Variants in GALNT18 observed in about 807,000 individuals in gnomAD.
GALNT18 encodes the protein polypeptide N-acetylgalactosaminyltransferase 18.
GALNT18 carries 44 observed loss-of-function variants against 69.5 expected under a neutral mutation model. The ratio of observed to expected loss-of-function variants is 0.63; its 90% confidence interval spans 0.50 to 0.81. The LOEUF (loss-of-function observed/expected upper bound fraction) is 0.81, where lower values mean the gene tolerates loss of function less well. GALNT18 is among the 40% of genes least tolerant of loss of function. The pLI, the probability that GALNT18 is intolerant of heterozygous loss-of-function variation, is 0.00. For missense variants in GALNT18, 715 were observed against 810.0 expected (o/e 0.88, Z 1.42); for synonymous variants, 364 against 318.2 (o/e 1.14, Z -1.53).
chr11:11,499,570 C>A (rs1163575002), intron 1 of GALNT18, among the ~76,000 whole-genome samples: 1 of 152,208 alleles, frequency 6.6e-6, no homozygotes, highest in Admixed American at 6.5e-5. Context: ...TCTTGCTCTG[C>A]CATCTGCTAT....
chr11:11,328,378 C>G (rs1241709507), intron 8 of GALNT18, among the ~76,000 whole-genome samples: 1 of 152,110 alleles, frequency 6.6e-6, no homozygotes, highest in Non-Finnish European at 1.5e-5. Context: ...CCAGGGAAGA[C>G]AAGGAAAGAG....
chr11:11,399,407 T>TA (rs1854409755), intron 3 of GALNT18, among the ~76,000 whole-genome samples: 1 of 152,152 alleles, frequency 6.6e-6, no homozygotes, highest in Non-Finnish European at 1.5e-5. Flanking sequence ...GGATCAAGAT[T>TA]GAAAAGGGGT....
chr11:11,290,594 A>G (rs1849279074), intron 10 of GALNT18, among the ~76,000 whole-genome samples: 1 of 152,112 alleles, frequency 6.6e-6, no homozygotes, highest in African/African-American at 2.4e-5. Flanking sequence ...ACTTTCACAC[A>G]TGCTGTTTCC....
rs11351706 is a variant in GALNT18 at position 11,337,961 on chromosome 11, ATTTTTTTTT to A, written c.1278+2849_1278+2857del. Among the ~76,000 whole-genome samples, 2 of 118,822 alleles carry A rather than the reference ATTTTTTTTT, an allele frequency of 1.7e-5. No individual in the cohort carries two copies. The highest frequency in any genetic ancestry group is 3.4e-5 in the Non-Finnish European group (2 of 58,634). The allele number at this position is 118,822 out of a possible 152,430, so 78.0% of individuals were successfully genotyped here. A position where few individuals can be genotyped will look rare whatever the true frequency, so the allele number is the denominator to read the frequency against. ...TGTACATAGCAGGAGTCATTTAAAG[ATTTTTTTTT>A]TTTTTTTTTTTTTGAGACAGTCTCG... On this transcript the variant is annotated intron_variant, in intron 7 of 10. Coordinates refer to ENST00000227756, the MANE Select transcript of GALNT18 (RefSeq NM_198516.3). This position sits in a 1 kb window ranked among gnomAD's most constrained non-coding sequence, Gnocchi z 4.9.
intron 6 of GALNT18, chr11:11,352,629 A>T (rs185434959): frequency 6.2e-7 from 1 of 1,614,180 alleles, no homozygotes; most frequent in East Asian, 2.2e-5. Context: ...CTCATGATCA[A>T]TCATGACATT....
At position 11,320,436 on chromosome 11, in the gene GALNT18, C is replaced by T. The variant is rs1849824012; in HGVS notation, c.1512+6650G>A. ...ATGTGGCCATGGTAACAATAAAGATCTTGCTGAGAACTGCCAGTAGGAGGG... is the reference window on the plus strand; with the variant it reads ...ATGTGGCCATGGTAACAATAAAGATTTTGCTGAGAACTGCCAGTAGGAGGG... On this transcript the variant is annotated intron_variant, in intron 9 of 10. Transcript: ENST00000227756. This position sits in a 1 kb window ranked among gnomAD's most constrained non-coding sequence, Gnocchi z 4.9. Among the ~76,000 whole-genome samples the T allele has an allele frequency of 6.6e-6, 1 of 152,176 alleles. No individual in the cohort carries two copies. The highest frequency in any genetic ancestry group is 2.4e-5 in the African/African-American group (1 of 41,436).
chr11:11,573,228 A>G lies in GALNT18; in HGVS notation c.235+48131T>C, dbSNP rs1858833383. 6.6e-6 allele frequency among the ~76,000 whole-genome samples: 1 copy of G among 152,042 alleles called. No individual in the cohort carries two copies. ...CGGCCTTGACTCATACTTGACATGG[A>G]TGTCCCAGAGATTCCCTACACACAG... On this transcript the variant is annotated intron_variant, in intron 1 of 10. Transcript: ENST00000227756. The surrounding 1 kb of genome is among the most constrained non-coding windows in gnomAD (Gnocchi z 4.6).
At position 11,564,718 on chromosome 11, in the gene GALNT18, A is replaced by G. The variant is rs553862387; in HGVS notation, c.235+56641T>C. Among the ~76,000 whole-genome samples the G allele has an allele frequency of 1.8e-3, 279 of 152,236 alleles. 1 individual carries two copies. Among genetic ancestry groups the G allele is most frequent in the Non-Finnish European group, 3.3e-3 (226 of 68,044 alleles). On this transcript the variant is annotated intron_variant, in intron 1 of 10. Transcript: ENST00000227756. The surrounding 1 kb of genome is among the most constrained non-coding windows in gnomAD (Gnocchi z 4.3). ...TATCCAGCCAGTCAACCCACACAGCACATTTGCCTAGACTATCCCTGGTCA... is the reference window on the plus strand; with the variant it reads ...TATCCAGCCAGTCAACCCACACAGCGCATTTGCCTAGACTATCCCTGGTCA...
chr11:11,521,594 C>A (rs544670308), intron 1 of GALNT18, among the ~76,000 whole-genome samples: 1 of 152,330 alleles, frequency 6.6e-6, no homozygotes, highest in East Asian at 1.9e-4. Context: ...TGAGCTCCAA[C>A]TTCATTCCTG....
chr11:11,488,707 T>G (rs1405721832), intron 1 of GALNT18, among the ~76,000 whole-genome samples: 3 of 152,098 alleles, frequency 2.0e-5, no homozygotes, highest in Non-Finnish European at 4.4e-5. Flanking sequence ...GGGGAGCCAG[T>G]CTGGTCTATC....
intron 1 of GALNT18, among the ~76,000 whole-genome samples, chr11:11,474,839 G>A (rs1004391050): frequency 6.6e-6 from 1 of 152,190 alleles, no homozygotes; most frequent in African/African-American, 2.4e-5. Flanking sequence ...TAACATATAT[G>A]TATACATTTA....
intron 3 of GALNT18, among the ~76,000 whole-genome samples, chr11:11,394,753 G>A (rs1251905356): frequency 6.6e-6 from 1 of 152,220 alleles, no homozygotes; most frequent in Non-Finnish European, 1.5e-5. Context: ...TATAATTAGA[G>A]GTGGTACCGA....
intron 2 of GALNT18, among the ~76,000 whole-genome samples, chr11:11,445,752 G>A (rs1855634506): frequency 1.3e-5 from 2 of 152,182 alleles, no homozygotes; most frequent in African/African-American, 4.8e-5. Context: ...CAGAGATTCT[G>A]TTTTTCTGTC....
Position 11,280,630 on chromosome 11 carries a change from T to C in GALNT18, c.1678-9340A>G, listed in dbSNP as rs11820330. ...CAGGTTTAACTTTCCCAGTTCCTGG[T>C]GGGACAATTTTGTATAATTTTCCAA... is the stretch of plus-strand genomic sequence containing the variant. On this transcript the variant is annotated intron_variant, in intron 10 of 10. Coordinates refer to ENST00000227756, the MANE Select transcript of GALNT18 (RefSeq NM_198516.3). Among the ~76,000 whole-genome samples the C allele has an allele frequency of 6.9e-3, 1,058 of 152,282 alleles. 14 individuals carry two copies. The highest frequency in any genetic ancestry group is 0.021 in the African/African-American group (882 of 41,526).
intron 3 of GALNT18, among the ~76,000 whole-genome samples, chr11:11,429,369 G>A (rs780362777): frequency 6.6e-6 from 1 of 152,012 alleles, no homozygotes; most frequent in Non-Finnish European, 1.5e-5. Context: ...TCTAACTTTC[G>A]GTTCTTTCCT....
chr11:11,519,092 C>T (rs1857341128), intron 1 of GALNT18, among the ~76,000 whole-genome samples: 1 of 152,210 alleles, frequency 6.6e-6, no homozygotes, highest in African/African-American at 2.4e-5. Context: ...ATAGACTGTG[C>T]CCTGCATCTG....
At chr11:11,514,714 T>C (rs964332363) in intron 1 of GALNT18, among the ~76,000 whole-genome samples, 3 of 152,020 alleles carry the variant, frequency 2.0e-5, no homozygotes, top group African/African-American at 7.3e-5. Context: ...TGGCTGCTGG[T>C]AGAGGGACTG....
At chr11:11,364,620 C>T (rs112521923) in intron 6 of GALNT18, among the ~76,000 whole-genome samples, 1,610 of 152,196 alleles carry the variant, frequency 0.011, 28 homozygotes, top group African/African-American at 0.032. Context: ...AATTAACCAA[C>T]TGAATCTTGA....
At chr11:11,615,387 C>G (rs570776093) in intron 1 of GALNT18, among the ~76,000 whole-genome samples, 1 of 152,186 alleles carries the variant, frequency 6.6e-6, no homozygotes, top group Non-Finnish European at 1.5e-5. Context: ...TTTCAGGAAA[C>G]AAAATGCAGT....
Sources: gnomAD v4.1 joint callset for allele counts (sites outside exome capture counted in the v4.1 genomes callset) on GRCh38, gnomAD v4.1.1 for gene constraint, Gnocchi (gnomAD v3.1) non-coding constraint, MANE v1.5 for transcripts, NCBI Gene and HGNC (gene_info 2026-07-23, HGNC 2026-07-21) for gene names.